The following PRRX2 variants were observed in gnomAD, a reference collection of about 807,000 sequenced individuals.
PRRX2 encodes the protein paired mesoderm homeobox protein 2.
Under a neutral mutation model 18.0 loss-of-function variants are expected in PRRX2, and 11 were observed. The observed-to-expected ratio is 0.61, with a 90% CI of 0.39 to 1.01. The LOEUF is 1.01. Among genes scored for constraint, PRRX2 ranks in the 50% least tolerant of loss-of-function variants. The probability of loss-of-function intolerance (pLI) is 0.01; values close to 1 mark genes in which losing one functional copy is unlikely to be tolerated. For missense variants in PRRX2, 387 were observed against 351.0 expected, an observed-to-expected ratio of 1.10 and a Z score of -0.82; for synonymous variants, 177 against 154.8, an observed-to-expected ratio of 1.14 and a Z score of -1.06.
intron 1 of PRRX2, among the ~76,000 whole-genome samples, chr9:129,706,390 C>G (rs1043337937): frequency 3.3e-5 from 5 of 152,038 alleles, no homozygotes; most frequent in Non-Finnish European, 4.4e-5. Context: ...CCGGTAAAAC[C>G]CTGTCTCTAC....
At chr9:129,680,543 A>G (rs1832215686) in intron 1 of PRRX2, among the ~76,000 whole-genome samples, 1 of 135,182 alleles carries the variant, frequency 7.4e-6, no homozygotes, top group Admixed American at 8.3e-5. Context: ...CCCTTCACAG[A>G]TGGAAAAACT....
At chr9:129,708,132 T>C (rs1832579512) in intron 1 of PRRX2, among the ~76,000 whole-genome samples, 1 of 152,038 alleles carries the variant, frequency 6.6e-6, no homozygotes, top group African/African-American at 2.4e-5. Flanking sequence ...ACCTCCCAGG[T>C]TCAAGCCATT....
intron 1 of PRRX2, among the ~76,000 whole-genome samples, chr9:129,685,069 C>T (rs1832285978): frequency 6.6e-6 from 1 of 152,204 alleles, no homozygotes; most frequent in Non-Finnish European, 1.5e-5. Flanking sequence ...CCTGCCCTCT[C>T]CCTGGGCTGA....
chr9:129,666,663 T>C (rs373485730), intron 1 of PRRX2, among the ~76,000 whole-genome samples: 7 of 145,460 alleles, frequency 4.8e-5, no homozygotes, highest in African/African-American at 1.8e-4. Context: ...TCAAAGGTCA[T>C]CAGGAAGGGG....
chr9:129,679,089 CAG>C (rs1157357107), intron 1 of PRRX2, among the ~76,000 whole-genome samples: 3 of 152,198 alleles, frequency 2.0e-5, no homozygotes, highest in Non-Finnish European at 4.4e-5. Context: ...CAGCACCAAT[CAG>C]GGAGGTGGGG....
chr9:129,696,471 A>G (rs969427515), intron 1 of PRRX2, among the ~76,000 whole-genome samples: 17 of 152,148 alleles, frequency 1.1e-4, no homozygotes, highest in South Asian at 2.1e-4. Flanking sequence ...GCTACTCTAG[A>G]GGCTCAGGTG....
At chr9:129,718,977 G>T (rs952983227) in intron 1 of PRRX2, among the ~76,000 whole-genome samples, 2 of 152,124 alleles carry the variant, frequency 1.3e-5, no homozygotes, top group African/African-American at 4.8e-5. Context: ...CAGGGCAGGG[G>T]TGTGGCTGCT....
At position 129,671,503 on chromosome 9, in the gene PRRX2, C is replaced by G. The variant is rs1832100108; in HGVS notation, c.259+5377C>G. Among the ~76,000 whole-genome samples, 2 of 152,214 alleles carry G rather than the reference C, an allele frequency of 1.3e-5. No individual in the cohort carries two copies. The highest frequency in any genetic ancestry group is 6.5e-5 in the Admixed American group (1 of 15,284). On this transcript the variant is annotated intron_variant, in intron 1 of 3. Transcript: ENST00000372469. The surrounding 1 kb of genome is among the most constrained non-coding windows in gnomAD (Gnocchi z 4.0). ...GCCACCACTGTCCCCTCCCAGAAAA[C>G]TCCAGAAAAGCAGCTTGGAGCAGTA...
At chr9:129,672,908 T>TCATC (rs1253136498) in intron 1 of PRRX2, among the ~76,000 whole-genome samples, 1 of 151,828 alleles carries the variant, frequency 6.6e-6, no homozygotes, top group Non-Finnish European at 1.5e-5. Flanking sequence ...ATTCATTCAT[T>TCATC]CATTCATTCA....
rs372776447 is a variant in PRRX2 at position 129,720,782 on chromosome 9, C to T, written c.626+8C>T. ...AGCCTCGTCCCCCTACAGGTGAGAG[C>T]GGGAACACCTTTGGGCCAGGAAGGG... On this transcript the variant is annotated splice_region_variant and intron_variant, in intron 3 of 3. Coordinates refer to ENST00000372469, the MANE Select transcript of PRRX2 (RefSeq NM_016307.4). The T allele has an allele frequency of 2.1e-5, 32 of 1,554,730 alleles. No homozygotes were observed. Among genetic ancestry groups the T allele is most frequent in the South Asian group, 2.0e-4 (17 of 84,932 alleles).
intron 1 of PRRX2, among the ~76,000 whole-genome samples, chr9:129,707,127 G>A (rs765171344): frequency 6.6e-6 from 1 of 152,032 alleles, no homozygotes; most frequent in South Asian, 2.1e-4. Context: ...ATGGTGGCTG[G>A]CACCTGTAAT....
intron 1 of PRRX2, among the ~76,000 whole-genome samples, chr9:129,716,454 C>CT (rs71497484): frequency 0.058 from 7,989 of 137,136 alleles, 324 homozygotes; most frequent in Admixed American, 0.082. Context: ...TGCTTTCTTT[C>CT]TTTTTTTTTT....
At chr9:129,721,405 C>G (rs371416770) in intron 3 of PRRX2, among the ~76,000 whole-genome samples, 3 of 152,072 alleles carry the variant, frequency 2.0e-5, no homozygotes, top group South Asian at 4.1e-4. Context: ...CCCCACAGCT[C>G]CAGAGGCGCC....
chr9:129,679,319 G>A (rs555787989), intron 1 of PRRX2, among the ~76,000 whole-genome samples: 6 of 152,260 alleles, frequency 3.9e-5, no homozygotes, highest in South Asian at 2.1e-4. Context: ...CTGCAGAGTC[G>A]GAACAGTTGA....
chr9:129,681,279 G>A (rs2119062344), intron 1 of PRRX2, among the ~76,000 whole-genome samples: 1 of 152,356 alleles, frequency 6.6e-6, no homozygotes, highest in East Asian at 1.9e-4. Flanking sequence ...CAGCACTTTG[G>A]GAGGCTGAGG....
chr9:129,668,421 C>T (rs1005701656), intron 1 of PRRX2, among the ~76,000 whole-genome samples: 7 of 152,144 alleles, frequency 4.6e-5, no homozygotes, highest in African/African-American at 7.2e-5. Flanking sequence ...CCCCTCACCA[C>T]GGATCCAGAC....
Position 129,665,912 on chromosome 9 carries a change from G to A in PRRX2, c.45G>A (p.Leu15=). Residue 15 remains leucine (L), a synonymous_variant, in exon 1 of 4, where the codon CTG becomes CTA. Transcript: ENST00000372469. This position sits in a 1 kb window ranked among gnomAD's most constrained non-coding sequence, Gnocchi z 5.3. ...AAAFALDKPA[L]GPGPPPPPPA... ...CCTTCGCCCTGGACAAGCCGGCGCTGGGCCCGGGGCCGCCGCCGCCTCCAC... is the reference window on the plus strand; with the variant it reads ...CCTTCGCCCTGGACAAGCCGGCGCTAGGCCCGGGGCCGCCGCCGCCTCCAC... 9.0e-7 allele frequency: 1 copy of A among 1,110,980 alleles called. No homozygotes were observed. Among genetic ancestry groups the A allele is most frequent in the Middle Eastern group, 4.2e-4 (1 of 2,378 alleles). The allele number at this position is 1,110,980 out of a possible 1,614,324, so 68.8% of individuals were successfully genotyped here.
At chr9:129,706,534 G>A (rs979853310) in intron 1 of PRRX2, among the ~76,000 whole-genome samples, 2 of 151,920 alleles carry the variant, frequency 1.3e-5, no homozygotes, top group Non-Finnish European at 2.9e-5. Context: ...CTGCACTCCA[G>A]CCTGGGCGAC....
intron 1 of PRRX2, among the ~76,000 whole-genome samples, chr9:129,711,801 G>A (rs1035618301): frequency 2.7e-4 from 41 of 152,208 alleles, no homozygotes; most frequent in African/African-American, 9.2e-4. Flanking sequence ...GACCCGGACC[G>A]GCCACCTCCT....
Sources: allele counts gnomAD v4.1 joint callset (sites outside exome capture counted in the v4.1 genomes callset), GRCh38; gene constraint gnomAD v4.1.1; non-coding constraint Gnocchi (gnomAD v3.1); transcripts MANE v1.5; gene names NCBI Gene and HGNC (gene_info 2026-07-23, HGNC 2026-07-21).